Variants in CCNY observed in about 807,000 individuals in gnomAD.
CCNY encodes cyclin-Y.
CCNY carries 19 observed loss-of-function variants against 42.8 expected under a neutral mutation model. That is an observed-to-expected ratio of 0.44 (90% confidence interval 0.31 to 0.65). The LOEUF is 0.65. Ranked by LOEUF, CCNY falls within the 30% of genes least tolerant of loss-of-function variation. The pLI is 0.07. For missense variants in CCNY, 370 were observed against 437.3 expected (o/e 0.85, Z 1.37); for synonymous variants, 165 against 162.7 (o/e 1.01, Z -0.11).
intron 3 of CCNY, among the ~76,000 whole-genome samples, chr10:35,303,796 AAAAAG>A (rs1187956695): frequency 1.3e-5 from 2 of 150,736 alleles, no homozygotes; most frequent in South Asian, 2.1e-4. Flanking sequence ...AAAAAAAAAA[AAAAAG>A]AGGGAAGGAA....
upstream of CCNY, chr10:35,332,471 C>G (rs560906144): frequency 1.3e-5 from 2 of 152,290 alleles, no homozygotes; most frequent in East Asian, 3.9e-4. Context: ...ATCAGTAGAT[C>G]TATAAATTAT....
intron 1 of CCNY, among the ~76,000 whole-genome samples, chr10:35,343,535 A>G (rs192506916): frequency 3.3e-5 from 5 of 151,826 alleles, no homozygotes; most frequent in Non-Finnish European, 7.4e-5. Context: ...GACTACAGGC[A>G]CGTGCCACCA....
At chr10:35,434,624 T>G (rs1589119242) in intron 1 of CCNY, among the ~76,000 whole-genome samples, 1 of 152,244 alleles carries the variant, frequency 6.6e-6, no homozygotes, top group Non-Finnish European at 1.5e-5. Flanking sequence ...ACAAAACATT[T>G]AAGAGCAAGA....
chr10:35,523,351 TG>T (rs1368170902), intron 4 of CCNY, among the ~76,000 whole-genome samples: 1 of 152,178 alleles, frequency 6.6e-6, no homozygotes, highest in African/African-American at 2.4e-5. Flanking sequence ...GATGCGTTTT[TG>T]GGGTGATTCC....
chr10:35,442,878 C>T (rs1207757229), intron 1 of CCNY, among the ~76,000 whole-genome samples: 5 of 152,148 alleles, frequency 3.3e-5, no homozygotes, highest in Admixed American at 3.3e-4. Context: ...AGTGTACTTA[C>T]CCACAAATCT....
At chr10:35,383,586 G>T (rs1366405766) in intron 1 of CCNY, among the ~76,000 whole-genome samples, 1 of 152,162 alleles carries the variant, frequency 6.6e-6, no homozygotes, top group Admixed American at 6.5e-5. Flanking sequence ...GGGATTACAG[G>T]CATGAGCCCT....
chr10:35,469,459 A>G (rs1839339030), intron 1 of CCNY, among the ~76,000 whole-genome samples: 1 of 152,200 alleles, frequency 6.6e-6, no homozygotes, highest in Admixed American at 6.6e-5. Context: ...TGGGGAGGGA[A>G]GAAGGGAAAA....
intron 1 of CCNY, among the ~76,000 whole-genome samples, chr10:35,369,367 C>T (rs1198320122): frequency 6.6e-6 from 1 of 152,138 alleles, no homozygotes; most frequent in Non-Finnish European, 1.5e-5. Flanking sequence ...GTGATGGATT[C>T]GTTACTACAT....
chr10:35,416,290 A>G (rs1162376132), intron 1 of CCNY, among the ~76,000 whole-genome samples: 1 of 152,020 alleles, frequency 6.6e-6, no homozygotes, highest in Non-Finnish European at 1.5e-5. Context: ...TTAGCCAGGT[A>G]TGCAGCACTC....
chr10:35,483,352 C>T, intron 1 of CCNY, 52 bp from the exon 2 acceptor site: 1 of 1,199,614 alleles, frequency 8.3e-7, no homozygotes, highest in Non-Finnish European at 1.2e-6. Flanking sequence ...ATCTTGATTC[C>T]TCTTAGTTAT....
intron 1 of CCNY, among the ~76,000 whole-genome samples, chr10:35,372,407 C>CGATTCACTCTGAGTCCCTGG (rs1169827920): frequency 2.6e-5 from 4 of 152,206 alleles, no homozygotes; most frequent in Non-Finnish European, 5.9e-5. Context: ...AATCCTTAGA[C>CGATTCACTCTGAGTCCCTGG]GATTCACTCT....
chr10:35,412,260 C>T (rs528125122), intron 1 of CCNY, among the ~76,000 whole-genome samples: 17 of 152,280 alleles, frequency 1.1e-4, no homozygotes, highest in African/African-American at 1.7e-4. Context: ...GTAATCCAAT[C>T]TACAGCAGAT....
chr10:35,564,100 A>G (rs1483218680), intron 8 of CCNY, among the ~76,000 whole-genome samples: 1 of 152,012 alleles, frequency 6.6e-6, no homozygotes, highest in Non-Finnish European at 1.5e-5. Context: ...GGCTGGTCTC[A>G]AACTCCTAAA....
At chr10:35,342,377 A>G (rs1258238601) in intron 1 of CCNY, among the ~76,000 whole-genome samples, 1 of 152,238 alleles carries the variant, frequency 6.6e-6, no homozygotes, top group Non-Finnish European at 1.5e-5. Context: ...GCTGTCTGCA[A>G]GGTATGTGGA....
chr10:35,551,554 C>G (rs932356717), intron 7 of CCNY, among the ~76,000 whole-genome samples: 4 of 151,712 alleles, frequency 2.6e-5, no homozygotes, highest in Middle Eastern at 3.2e-3. Flanking sequence ...TACATTTTCA[C>G]TTTGCAAATG....
At chr10:35,370,120 C>T (rs904660729) in intron 1 of CCNY, among the ~76,000 whole-genome samples, 1 of 151,852 alleles carries the variant, frequency 6.6e-6, no homozygotes, top group Non-Finnish European at 1.5e-5. Flanking sequence ...TATGCATATA[C>T]ATGTACAGTA....
chr10:35,314,678 G>A (rs923454576), intron 3 of CCNY: 19 of 151,236 alleles, frequency 1.3e-4, no homozygotes, highest in South Asian at 2.1e-4. Flanking sequence ...AATGTCCTGC[G>A]TCCTCTCCTT....
At chr10:35,459,520 A>G (rs1305799942) in intron 1 of CCNY, among the ~76,000 whole-genome samples, 2 of 152,204 alleles carry the variant, frequency 1.3e-5, no homozygotes, top group Non-Finnish European at 2.9e-5. Context: ...TCCCTTGTGT[A>G]GACTAATGAA....
At chr10:35,456,171 A>G (rs910808492) in intron 1 of CCNY, among the ~76,000 whole-genome samples, 4 of 152,144 alleles carry the variant, frequency 2.6e-5, no homozygotes, top group Non-Finnish European at 4.4e-5. Context: ...TCAAGGTTGT[A>G]AAGTTGTGTT....
Sources: gnomAD v4.1 joint callset for allele counts (sites outside exome capture counted in the v4.1 genomes callset) on GRCh38, gnomAD v4.1.1 for gene constraint, MANE v1.5 for transcripts, NCBI Gene and HGNC (gene_info 2026-07-23, HGNC 2026-07-21) for gene names.